Variants in BRAF observed in about 807,000 individuals in gnomAD.
BRAF encodes the protein B-Raf proto-oncogene, serine/threonine kinase.
A neutral mutation model predicts 104.6 loss-of-function variants in BRAF; 16 were observed. That is an observed-to-expected ratio of 0.15 (90% CI 0.10 to 0.23). The LOEUF (loss-of-function observed/expected upper bound fraction) is 0.23, where lower values mean the gene tolerates loss of function less well. Ranked by LOEUF, BRAF falls within the 10% of genes least tolerant of loss-of-function variation. The pLI is 1.00. For synonymous variants in BRAF, 310 were observed against 341.6 expected (o/e 0.91, Z 1.02); for missense variants, 541 against 937.3 (o/e 0.58, Z 5.52).
Position 140,804,465 on chromosome 7 carries a change from A to G in BRAF, c.712-2905T>C, listed in dbSNP as rs551765160. Among the ~76,000 whole-genome samples the G allele has an allele frequency of 9.9e-5, 15 of 151,522 alleles. No individual in the cohort carries two copies. The South Asian group carries it at 1.3e-3, about 13-fold the overall frequency. On this transcript the variant is annotated intron_variant, in intron 5 of 19. Coordinates refer to ENST00000644969, the MANE Select transcript of BRAF (RefSeq NM_001374258.1). ...TGTAATTATACAATTTCCACTCTTC[A>G]ATATTTTGTATAAAACCAGTTACAA...
intron 2 of BRAF, among the ~76,000 whole-genome samples, chr7:140,847,583 G>T: frequency 6.7e-6 from 1 of 148,766 alleles, no homozygotes; most frequent in East Asian, 2.0e-4. Flanking sequence ...TCCATCTCAG[G>T]AGGAAAAAAA....
At chr7:140,866,190 T>C (rs982049676) in intron 1 of BRAF, among the ~76,000 whole-genome samples, 2 of 152,222 alleles carry the variant, frequency 1.3e-5, no homozygotes, top group African/African-American at 4.8e-5. Flanking sequence ...AGATGTAGTG[T>C]AGGTTCAGGA....
intron 2 of BRAF, among the ~76,000 whole-genome samples, chr7:140,846,425 T>C (rs1393111065): frequency 2.6e-5 from 4 of 152,154 alleles, no homozygotes; most frequent in Admixed American, 6.5e-5. Context: ...AAAGGACAAA[T>C]ATTATATGAT....
chr7:140,884,191 A>T (rs1038686442), intron 1 of BRAF: 2 of 152,036 alleles, frequency 1.3e-5, no homozygotes, highest in African/African-American at 2.4e-5. Flanking sequence ...AAATTAAAAA[A>T]TTTTTAAATT....
intron 1 of BRAF, among the ~76,000 whole-genome samples, chr7:140,856,220 T>G (rs1809763352): frequency 6.6e-6 from 1 of 151,544 alleles, no homozygotes; most frequent in Non-Finnish European, 1.5e-5. Flanking sequence ...GCCTAAGAGA[T>G]TCCAAGAAAC....
chr7:140,875,603 C>T (rs1424428200), intron 1 of BRAF, among the ~76,000 whole-genome samples: 1 of 152,210 alleles, frequency 6.6e-6, no homozygotes, highest in South Asian at 2.1e-4. Context: ...GTCTCGAACT[C>T]CCGACCTCCG....
intron 10 of BRAF, among the ~76,000 whole-genome samples, chr7:140,784,808 C>G (rs1801196051): frequency 6.6e-6 from 1 of 152,200 alleles, no homozygotes; most frequent in African/African-American, 2.4e-5. Context: ...TCATGCCTAG[C>G]TAATTTTTTT....
chr7:140,847,520 T>C (rs191124056), intron 2 of BRAF, among the ~76,000 whole-genome samples: 1 of 151,494 alleles, frequency 6.6e-6, no homozygotes, highest in Admixed American at 6.6e-5. Flanking sequence ...GAGGTGGAGG[T>C]TGCAGTGAGC....
chr7:140,768,559 T>A (rs1319625701), intron 14 of BRAF, among the ~76,000 whole-genome samples: 2 of 151,934 alleles, frequency 1.3e-5, no homozygotes, highest in Non-Finnish European at 2.9e-5. Flanking sequence ...GTGGACTCAA[T>A]CATGCCTCAC....
At chr7:140,770,922 T>C (rs1169577884) in intron 14 of BRAF, among the ~76,000 whole-genome samples, 2 of 142,666 alleles carry the variant, frequency 1.4e-5, no homozygotes, top group Admixed American at 1.4e-4. Context: ...GACAGTGAGA[T>C]TCCATCTCAA....
intron 14 of BRAF, among the ~76,000 whole-genome samples, chr7:140,765,561 G>GCTAAA (rs1271700908): frequency 6.6e-6 from 1 of 151,880 alleles, no homozygotes; most frequent in Non-Finnish European, 1.5e-5. Context: ...CTGACAAAGG[G>GCTAAA]CTAATATCCA....
At chr7:140,842,433 C>G (rs952280359) in intron 2 of BRAF, among the ~76,000 whole-genome samples, 1 of 152,162 alleles carries the variant, frequency 6.6e-6, no homozygotes, top group East Asian at 1.9e-4. Context: ...CTGTCTTCAT[C>G]AGTCTACAGG....
chr7:140,868,142 G>A (rs1365094606), intron 1 of BRAF, among the ~76,000 whole-genome samples: 1 of 152,156 alleles, frequency 6.6e-6, no homozygotes, highest in Non-Finnish European at 1.5e-5. Flanking sequence ...TTAGTGCAGT[G>A]CAGAATATAG....
rs752026903 is a variant in BRAF at position 140,734,644 on chromosome 7, T to C, written c.2374A>G (p.Lys792Glu). 6.2e-7 allele frequency: 1 copy of C among 1,613,742 alleles called. No individual in the cohort carries two copies. Among genetic ancestry groups the C allele is most frequent in the East Asian group, 2.2e-5 (1 of 44,876 alleles). ...TATCCCCCTGCCTGGATGGGTGTTT[T>C]TGGAGAAGCACAAGCATATAGACTA... ...DFSLYACASP[K>E]TPIQAGGYGE... Residue 792 changes from lysine (K) to glutamate (E), a missense_variant, in exon 19 of 20, where the codon AAA (lysine) becomes GAA (glutamate). Lys to Glu is a moderately conservative substitution (Grantham distance 56). Coordinates refer to ENST00000644969, the MANE Select transcript of BRAF (RefSeq NM_001374258.1).
chr7:140,834,792 A>G lies in BRAF; in HGVS notation c.321T>C (p.Thr107=). The G allele has an allele frequency of 6.2e-7, 1 of 1,614,210 alleles. No individual in the cohort carries two copies. Among genetic ancestry groups the G allele is most frequent in the East Asian group, 2.2e-5 (1 of 44,886 alleles). ...ATGCAGAGCTAGAAACAGAAAAATC[A>G]GTTCCGTTCCCCAGAGATTCCAATA... The part of the protein sequence containing the change: ...QQLLESLGNG[T]DFSVSSSASM... Residue 107 remains threonine (T), a synonymous_variant, in exon 3 of 20, where the codon ACT becomes ACC. Transcript: ENST00000644969.
intron 1 of BRAF, among the ~76,000 whole-genome samples, chr7:140,899,813 T>A (rs1186470602): frequency 6.6e-6 from 1 of 152,200 alleles, no homozygotes; most frequent in African/African-American, 2.4e-5. Flanking sequence ...ACCCTCCTGG[T>A]GGTGCCTTGT....
At chr7:140,835,186 A>C in intron 2 of BRAF, 1 of 305,806 alleles carries the variant, frequency 3.3e-6, no homozygotes, top group East Asian at 6.3e-5. Context: ...TTTACCTTCC[A>C]AATCATGTCT....
intron 3 of BRAF, among the ~76,000 whole-genome samples, chr7:140,832,825 C>A (rs181203876): frequency 6.6e-6 from 1 of 150,898 alleles, no homozygotes; most frequent in Non-Finnish European, 1.5e-5. Context: ...TTAGTGATAC[C>A]TGTAAATTTC....
At chr7:140,864,365 G>A (rs752477831) in intron 1 of BRAF, among the ~76,000 whole-genome samples, 25 of 152,138 alleles carry the variant, frequency 1.6e-4, no homozygotes, top group Non-Finnish European at 3.4e-4. Flanking sequence ...TGTGTGCAAC[G>A]GGTGGACAGT....
Sources: allele counts gnomAD v4.1 joint callset (sites outside exome capture counted in the v4.1 genomes callset), GRCh38; gene constraint gnomAD v4.1.1; transcripts MANE v1.5; gene names NCBI Gene and HGNC (gene_info 2026-07-23, HGNC 2026-07-21).